THSD7A: variants seen among roughly 807,000 people sequenced by gnomAD.
THSD7A encodes the protein thrombospondin type 1 domain containing 7A.
THSD7A carries 96 observed loss-of-function variants against 231.3 expected under a neutral mutation model. The ratio of observed to expected loss-of-function variants is 0.41; its 90% CI spans 0.35 to 0.49. The LOEUF is 0.49. Among genes scored for constraint, THSD7A ranks in the 20% least tolerant of loss-of-function variants. The probability of loss-of-function intolerance (pLI) is 0.05; values close to 1 mark genes in which losing one functional copy is unlikely to be tolerated. For synonymous variants in THSD7A, 940 were observed against 743.3 expected (o/e 1.26, Z -4.30); for missense variants, 2,290 against 2,070.2 (o/e 1.11, Z -2.06).
intron 11 of THSD7A, among the ~76,000 whole-genome samples, chr7:11,450,760 A>T (rs1381251397): frequency 6.6e-6 from 1 of 152,036 alleles, no homozygotes; most frequent in Non-Finnish European, 1.5e-5. Context: ...CTGTATTTAC[A>T]GGTGAAGCAT....
intron 23 of THSD7A, among the ~76,000 whole-genome samples, chr7:11,399,425 A>G (rs913254580): frequency 6.6e-6 from 1 of 151,144 alleles, no homozygotes; most frequent in African/African-American, 2.4e-5. Flanking sequence ...CTATTTTGTC[A>G]GTTTGCTCTA....
chr7:11,625,253 C>A (rs957998753), intron 2 of THSD7A, among the ~76,000 whole-genome samples: 18 of 152,002 alleles, frequency 1.2e-4, no homozygotes, highest in African/African-American at 4.3e-4. Flanking sequence ...ATAGTCTCAA[C>A]CTTAGTCATA....
Position 11,593,487 on chromosome 7 carries a change from C to G in THSD7A, c.1038G>C (p.Glu346Asp). The G allele has an allele frequency of 6.2e-7, 1 of 1,613,908 alleles. No individual in the cohort carries two copies. ...AGGACTGGAAGGTCATTGGAAGCTT[C>G]TCTTGCTGGCAAAAGCTGTAAAAGA... Reference protein sequence around the residue: ...KAADLSFCQQEKLPMTFQSCV... With the variant: ...KAADLSFCQQDKLPMTFQSCV... Residue 346 changes from glutamate to aspartate, a missense_variant, in exon 3 of 28, where the codon GAG becomes GAC. By Grantham distance (45) the Glu-to-Asp change is conservative (BLOSUM62 2). Transcript: ENST00000423059.
At chr7:11,510,258 G>T (rs1787748790) in intron 6 of THSD7A, among the ~76,000 whole-genome samples, 1 of 152,112 alleles carries the variant, frequency 6.6e-6, no homozygotes, top group South Asian at 2.1e-4. Context: ...CCAACAACAG[G>T]CTCTGAAGTT....
In THSD7A at chr7:11,411,453, G is replaced by T; in HGVS notation, c.3683-131C>A. On this transcript the variant is annotated intron_variant, in intron 18 of 27. Transcript: ENST00000423059. This position sits in a 1 kb window ranked among gnomAD's most constrained non-coding sequence, Gnocchi z 4.1. ...AGCCCCATAATCAATCATCCCCCAT[G>T]CAGAGCATATGGGTCCCAGCTTTGA... 1.5e-6 allele frequency: 1 copy of T among 645,734 alleles called. No individual in the cohort carries two copies. Among genetic ancestry groups the T allele is most frequent in the Non-Finnish European group, 2.7e-6 (1 of 371,186 alleles). 40.0% of individuals were successfully genotyped at this position (645,734 alleles called of 1,614,324 possible).
chr7:11,472,098 G>A (rs1285523901), intron 8 of THSD7A, among the ~76,000 whole-genome samples: 2 of 152,078 alleles, frequency 1.3e-5, no homozygotes, highest in South Asian at 2.1e-4. Context: ...GTTGTTAAAT[G>A]AACACACAAA....
chr7:11,691,332 G>C lies in THSD7A; in HGVS notation c.191-54371C>G, dbSNP rs568551024. Among the ~76,000 whole-genome samples, 25 of 151,414 alleles carry C rather than the reference G, an allele frequency of 1.7e-4. No individual in the cohort carries two copies. In the South Asian group the frequency reaches 5.0e-3, roughly 30 times the overall value. On this transcript the variant is annotated intron_variant, in intron 1 of 27. Transcript: ENST00000423059. ...TACCATGCAAGTTGCAATTGTAATA[G>C]GTATTATCAAAGAGTAGTATATGAT...
At chr7:11,604,904 A>G (rs1009285040) in intron 2 of THSD7A, among the ~76,000 whole-genome samples, 2 of 152,256 alleles carry the variant, frequency 1.3e-5, no homozygotes. Context: ...AATCACAAGC[A>G]TATCAGAGTT....
intron 1 of THSD7A, among the ~76,000 whole-genome samples, chr7:11,788,352 G>T (rs1783851837): frequency 6.6e-6 from 1 of 151,910 alleles, no homozygotes; most frequent in African/African-American, 2.4e-5. Context: ...TCTAATCTTA[G>T]CTCGTATATG....
intron 4 of THSD7A, among the ~76,000 whole-genome samples, chr7:11,579,533 T>C (rs1243381464): frequency 6.6e-6 from 1 of 152,198 alleles, no homozygotes; most frequent in African/African-American, 2.4e-5. Context: ...TTAGATGACA[T>C]TTTATCCACC....
intron 23 of THSD7A, among the ~76,000 whole-genome samples, chr7:11,399,005 C>T (rs571461672): frequency 8.5e-5 from 13 of 152,254 alleles, no homozygotes; most frequent in South Asian, 2.1e-4. Flanking sequence ...GGGACTAGGC[C>T]GCCTTCTACC....
intron 11 of THSD7A, among the ~76,000 whole-genome samples, chr7:11,448,683 A>G (rs1006079598): frequency 6.6e-6 from 1 of 152,084 alleles, no homozygotes; most frequent in Non-Finnish European, 1.5e-5. Context: ...GAGTGTGTAA[A>G]TGGACATAAC....
At chr7:11,811,077 G>A (rs1284312869) in intron 1 of THSD7A, among the ~76,000 whole-genome samples, 2 of 152,134 alleles carry the variant, frequency 1.3e-5, no homozygotes, top group Non-Finnish European at 2.9e-5. Flanking sequence ...ATTAAATTAT[G>A]TGGCATATGA....
chr7:11,707,878 C>CT (rs1010166090), intron 1 of THSD7A, among the ~76,000 whole-genome samples: 34 of 150,136 alleles, frequency 2.3e-4, no homozygotes, highest in African/African-American at 5.3e-4. Context: ...TTTCTACTTT[C>CT]TTTTTTTTTG....
chr7:11,482,206 T>G (rs2128304925), intron 6 of THSD7A, among the ~76,000 whole-genome samples: 1 of 152,294 alleles, frequency 6.6e-6, no homozygotes, highest in South Asian at 2.1e-4. Context: ...GAGGCTTCTT[T>G]CATTATCAGG....
chr7:11,676,217 T>C lies in THSD7A; in HGVS notation c.191-39256A>G, dbSNP rs1783630026. On this transcript the variant is annotated intron_variant, in intron 1 of 27. Coordinates refer to ENST00000423059, the MANE Select transcript of THSD7A (RefSeq NM_015204.3). ...AACTGACAAACAGAAAGCAATAGCA[T>C]CAACATCTAAAAAAGGACAACATAG... Among the ~76,000 whole-genome samples the C allele has an allele frequency of 1.3e-5, 2 of 152,002 alleles. 1 individual carries two copies. The highest frequency in any genetic ancestry group is 4.1e-4 in the South Asian group (2 of 4,826).
chr7:11,804,227 T>A (rs1784346559), intron 1 of THSD7A, among the ~76,000 whole-genome samples: 2 of 152,122 alleles, frequency 1.3e-5, no homozygotes, highest in African/African-American at 4.8e-5. Flanking sequence ...TTAAAATAAA[T>A]GTTTATGTAT....
intron 1 of THSD7A, among the ~76,000 whole-genome samples, chr7:11,805,689 G>A (rs938399456): frequency 6.6e-6 from 1 of 151,906 alleles, no homozygotes; most frequent in Non-Finnish European, 1.5e-5. Context: ...AAAGAAATAC[G>A]TGATTTCAAC....
intron 1 of THSD7A, among the ~76,000 whole-genome samples, chr7:11,720,546 C>A (rs1031681595): frequency 6.6e-6 from 1 of 151,734 alleles, no homozygotes; most frequent in Non-Finnish European, 1.5e-5. Context: ...CAATACTCTC[C>A]CTAATTGCAT....
Sources: gnomAD v4.1 joint callset for allele counts (sites outside exome capture counted in the v4.1 genomes callset) on GRCh38, gnomAD v4.1.1 for gene constraint, Gnocchi (gnomAD v3.1) non-coding constraint, MANE v1.5 for transcripts, NCBI Gene and HGNC (gene_info 2026-07-23, HGNC 2026-07-21) for gene names.